CELF2: variants seen among roughly 807,000 people sequenced by gnomAD.
CELF2 encodes CUGBP Elav-like family member 2.
In CELF2, 8 loss-of-function variants were observed where a neutral mutation model predicts 62.6. The ratio of observed to expected loss-of-function variants is 0.13; its 90% CI spans 0.07 to 0.23. The LOEUF (loss-of-function observed/expected upper bound fraction) is 0.23. Among genes scored for constraint, CELF2 ranks in the 10% least tolerant of loss-of-function variants. The pLI, the probability that CELF2 is intolerant of heterozygous loss-of-function variation, is 1.00. For synonymous variants in CELF2, 258 were observed against 250.0 expected, an observed-to-expected ratio of 1.03 and a Z score of -0.30; for missense variants, 333 against 671.0, an observed-to-expected ratio of 0.50 and a Z score of 5.56.
At chr10:11,089,425 CAG>C (rs1272678973) in intron 1 of CELF2, among the ~76,000 whole-genome samples, 1 of 152,162 alleles carries the variant, frequency 6.6e-6, no homozygotes, top group Non-Finnish European at 1.5e-5. Flanking sequence ...GAGATAAAAG[CAG>C]AGATAGTGGC....
chr10:10,682,377 A>G, the CELF2 span, among the ~76,000 whole-genome samples: 6,141 of 152,264 alleles, frequency 0.04, 292 homozygotes, highest in East Asian at 0.28. Context: ...CAATTTTTTG[A>G]AAAATTACAT....
intron 1 of CELF2, among the ~76,000 whole-genome samples, chr10:11,120,021 CA>C (rs1239990006): frequency 1.3e-5 from 2 of 152,002 alleles, no homozygotes; most frequent in African/African-American, 4.8e-5. Flanking sequence ...TTCCATTTCC[CA>C]GCTGTTAATT....
At chr10:10,970,955 G>C (rs1176979439) in intron 2 of CELF2, 1 of 151,960 alleles carries the variant, frequency 6.6e-6, no homozygotes, top group African/African-American at 2.4e-5. Flanking sequence ...TAGTCAATTA[G>C]ACATCCTATC....
In CELF2 at chr10:11,305,381, A is replaced by T. The variant is rs2094124174; in HGVS notation, c.977-8758A>T. 6.6e-6 allele frequency among the ~76,000 whole-genome samples: 1 copy of T among 152,174 alleles called. No homozygotes were observed. Among genetic ancestry groups the T allele is most frequent in the African/African-American group, 2.4e-5 (1 of 41,440 alleles). ...ACCTGGGTGCCGGCGCCCATCCTGC[A>T]TCCCTCACGGGTACACCGGGGCCAG... On this transcript the variant is annotated intron_variant, in intron 9 of 12. Coordinates refer to ENST00000633077, the MANE Select transcript of CELF2 (RefSeq NM_001326342.2). The surrounding 1 kb of genome is among the most constrained non-coding windows in gnomAD (Gnocchi z 4.8).
chr10:10,886,003 C>G (rs1184007820), intron 1 of CELF2, among the ~76,000 whole-genome samples: 1 of 152,162 alleles, frequency 6.6e-6, no homozygotes, highest in African/African-American at 2.4e-5. Context: ...GAACATGAGT[C>G]CATATCTCAT....
chr10:10,584,902 C>T, the CELF2 span, among the ~76,000 whole-genome samples: 4 of 152,018 alleles, frequency 2.6e-5, no homozygotes, highest in African/African-American at 9.7e-5. Context: ...CTGGAGGCTA[C>T]GATGTTGAAC....
chr10:11,127,355 C>T (rs573143329), intron 1 of CELF2, among the ~76,000 whole-genome samples: 4 of 152,264 alleles, frequency 2.6e-5, no homozygotes, highest in African/African-American at 4.8e-5. Context: ...AGTAAACATA[C>T]GTGTGCATGT....
Position 10,957,954 on chromosome 10 carries a change from G to A in CELF2, c.89+37955G>A, listed in dbSNP as rs1252133308. On this transcript the variant is annotated intron_variant, in intron 2 of 13. Coordinates refer to the CELF2 transcript ENST00000636488. The surrounding 1 kb of genome is among the most constrained non-coding windows in gnomAD (Gnocchi z 4.1). ...CATTTTTGTTATGTGTTTCAGAGGA[G>A]CGCTATGACTTAAGGAATGTATATG... 1.3e-5 allele frequency among the ~76,000 whole-genome samples: 2 copies of A among 152,190 alleles called. No homozygotes were observed. Among genetic ancestry groups the A allele is most frequent in the Non-Finnish European group, 2.9e-5 (2 of 68,042 alleles).
the CELF2 span, among the ~76,000 whole-genome samples, chr10:10,686,453 T>C: frequency 6.6e-6 from 1 of 152,260 alleles, no homozygotes; most frequent in East Asian, 1.9e-4. Flanking sequence ...TCTTCCCTTC[T>C]GGAGCAGTGT....
chr10:10,557,266 C>G, the CELF2 span, among the ~76,000 whole-genome samples: 4 of 148,660 alleles, frequency 2.7e-5, no homozygotes, highest in Non-Finnish European at 5.9e-5. Flanking sequence ...AGCCAGTTTT[C>G]CCAGCACCAT....
rs1463012454 is a variant in CELF2, at chr10:11,098,567, C to G, written c.75-66919C>G. 6.6e-6 allele frequency: 1 copy of G among 152,210 alleles called. No homozygotes were observed. The highest frequency in any genetic ancestry group is 2.4e-5 in the African/African-American group (1 of 41,442). 9.4% of individuals were successfully genotyped at this position (152,210 alleles called of 1,614,324 possible). ...AGGGCCCAAAAAGAGATAACAGACA[C>G]TGAAATCATCACATATTCCTTTAGA... On this transcript the variant is annotated intron_variant, in intron 1 of 12. Transcript: ENST00000633077. The surrounding 1 kb of genome is among the most constrained non-coding windows in gnomAD (Gnocchi z 4.0).
At chr10:10,900,091 A>G (rs546436006) in intron 1 of CELF2, among the ~76,000 whole-genome samples, 1 of 152,324 alleles carries the variant, frequency 6.6e-6, no homozygotes, top group East Asian at 1.9e-4. Flanking sequence ...TGAATTTTAA[A>G]TTTTCTCACA....
the CELF2 span, among the ~76,000 whole-genome samples, chr10:10,543,773 A>G: frequency 2.6e-5 from 4 of 151,520 alleles, no homozygotes; most frequent in Admixed American, 2.0e-4. Flanking sequence ...AACAACAACA[A>G]CAACAACAAA....
the CELF2 span, among the ~76,000 whole-genome samples, chr10:10,738,145 C>G: frequency 6.6e-6 from 1 of 152,150 alleles, no homozygotes. Flanking sequence ...AAAGGTTTCA[C>G]TTTTGCTTTT....
chr10:10,591,758 C>T, the CELF2 span, among the ~76,000 whole-genome samples: 1 of 152,212 alleles, frequency 6.6e-6, no homozygotes, highest in Non-Finnish European at 1.5e-5. Flanking sequence ...AGCCACTCAG[C>T]GTCCACCGCC....
the CELF2 span, among the ~76,000 whole-genome samples, chr10:10,531,821 A>T: frequency 1.3e-5 from 2 of 152,256 alleles, no homozygotes; most frequent in African/African-American, 4.8e-5. Flanking sequence ...AATAAAAGGC[A>T]ATATCAATCC....
chr10:11,214,510 G>A lies in CELF2; in HGVS notation c.272-2915G>A, dbSNP rs1240876053. ...TAGAGTAGAAATCCAGGCTGGGATG[G>A]GCTTATCAAGCCATGGACTGTGGCA... On this transcript the variant is annotated intron_variant, in intron 2 of 12. Transcript: ENST00000633077. This position sits in a 1 kb window ranked among gnomAD's most constrained non-coding sequence, Gnocchi z 4.2. Among the ~76,000 whole-genome samples, 1 of 152,138 alleles carries A rather than the reference G, an allele frequency of 6.6e-6. No homozygotes were observed. Among genetic ancestry groups the A allele is most frequent in the Non-Finnish European group, 1.5e-5 (1 of 68,018 alleles).
intron 1 of CELF2, among the ~76,000 whole-genome samples, chr10:10,831,874 A>G (rs1191757333): frequency 1.3e-5 from 2 of 152,176 alleles, no homozygotes; most frequent in Non-Finnish European, 2.9e-5. Flanking sequence ...CAGGAGGCTG[A>G]GGCACGAGAA....
At chr10:11,257,666 G>C (rs41291247) in intron 4 of CELF2, 72 bp from the exon 5 acceptor site, 37,927 of 1,546,052 alleles carry the variant, frequency 0.025, 567 homozygotes, top group Non-Finnish European at 0.029. Context: ...TGGTTTGATG[G>C]GGTAATGAAG....
Sources: allele counts gnomAD v4.1 joint callset (sites outside exome capture counted in the v4.1 genomes callset), GRCh38; gene constraint gnomAD v4.1.1; non-coding constraint Gnocchi (gnomAD v3.1); transcripts MANE v1.5; gene names NCBI Gene and HGNC (gene_info 2026-07-23, HGNC 2026-07-21).